DIP2B: variants seen among roughly 807,000 people sequenced by gnomAD.
DIP2B encodes disco-interacting protein 2 homolog B.
DIP2B carries 76 observed loss-of-function variants against 198.0 expected under a neutral mutation model. That is an observed-to-expected ratio of 0.38 (90% CI 0.32 to 0.46). The LOEUF is 0.46. DIP2B is among the 20% of genes least tolerant of loss of function. The pLI is 0.99. For synonymous variants in DIP2B, 701 were observed against 739.1 expected, an observed-to-expected ratio of 0.95 and a Z score of 0.84; for missense variants, 1,559 against 1,978.4, an observed-to-expected ratio of 0.79 and a Z score of 4.02.
Position 50,682,960 on chromosome 12 carries a change from G to A in DIP2B, c.1207-178G>A, listed in dbSNP as rs1011277837. On this transcript the variant is annotated intron_variant, in intron 9 of 37. Transcript: ENST00000301180. The stretch of plus-strand genomic sequence containing the variant: ...TGTGTAGTATAATCGTGGGCATGTC[G>A]GAGATCTTTTTAGATGTGTGTCTCT... Among the ~76,000 whole-genome samples, 7 of 152,114 alleles carry A rather than the reference G, an allele frequency of 4.6e-5. No individual in the cohort carries two copies. In the East Asian group the frequency reaches 5.8e-4, roughly 13 times the overall value.
Position 50,744,535 on chromosome 12 carries a change from AG to A in DIP2B, c.4479-51del, listed in dbSNP as rs1282824620. ...CTAAGTCTGGGACAGATGCTATAAA[AG>A]ATAACTGAAAAATGTAGTGACAAGT... On this transcript the variant is annotated intron_variant, in intron 37 of 37. Coordinates refer to ENST00000301180, the MANE Select transcript of DIP2B (RefSeq NM_173602.3). The A allele has an allele frequency of 4.4e-6, 7 of 1,603,928 alleles. No individual in the cohort carries two copies. In the Middle Eastern group the frequency reaches 5.0e-4, roughly 114 times the overall value.
intron 26 of DIP2B, among the ~76,000 whole-genome samples, chr12:50,722,231 ATTTT>A (rs61452037): frequency 0.063 from 9,456 of 149,068 alleles, 659 homozygotes; most frequent in East Asian, 0.32. Flanking sequence ...TTGTTCTGTG[ATTTT>A]TTTTTGTTTG....
chr12:50,621,323 G>A (rs921129149), intron 1 of DIP2B, among the ~76,000 whole-genome samples: 1 of 152,230 alleles, frequency 6.6e-6, no homozygotes, highest in African/African-American at 2.4e-5. Context: ...GGCAGTCCAA[G>A]CATTGCTTTT....
intron 1 of DIP2B, among the ~76,000 whole-genome samples, chr12:50,620,528 C>T (rs1260298549): frequency 1.3e-5 from 2 of 152,158 alleles, no homozygotes; most frequent in East Asian, 1.9e-4. Context: ...TCAGTGTCTT[C>T]ATACAAGGCT....
intron 1 of DIP2B, among the ~76,000 whole-genome samples, chr12:50,510,947 C>CTTTTT (rs56793612): frequency 7.6e-6 from 1 of 131,112 alleles, no homozygotes. Context: ...GCCTGGCTTT[C>CTTTTT]TTTTTTTTTT....
intron 1 of DIP2B, among the ~76,000 whole-genome samples, chr12:50,515,388 C>T (rs200165729): frequency 6.6e-6 from 1 of 152,204 alleles, no homozygotes; most frequent in East Asian, 1.9e-4. Flanking sequence ...CCTGCCACCA[C>T]GCCCAGCTAA....
intron 12 of DIP2B, among the ~76,000 whole-genome samples, chr12:50,690,180 A>G (rs1021480431): frequency 3.3e-5 from 5 of 149,350 alleles, no homozygotes; most frequent in Non-Finnish European, 5.9e-5. Context: ...TCTGCCTCCC[A>G]GGTTCACGCC....
intron 12 of DIP2B, among the ~76,000 whole-genome samples, chr12:50,687,413 A>G (rs917501874): frequency 3.0e-4 from 45 of 152,330 alleles, no homozygotes; most frequent in African/African-American, 1.0e-3. Flanking sequence ...CCTGCCTGAG[A>G]CATATGCTCA....
At chr12:50,520,283 G>A (rs944530374) in intron 1 of DIP2B, among the ~76,000 whole-genome samples, 4 of 152,106 alleles carry the variant, frequency 2.6e-5, no homozygotes, top group East Asian at 1.9e-4. Context: ...TGATCTGCCC[G>A]CCTCGGCCTT....
At chr12:50,731,649 G>T in intron 31 of DIP2B, 112 bp downstream of exon 31, 1 of 1,299,688 alleles carries the variant, frequency 7.7e-7, no homozygotes, top group Non-Finnish European at 1.0e-6. Context: ...CCTTTTTCAA[G>T]TCACTCAGTT....
At chr12:50,567,673 G>A (rs1220199808) in intron 1 of DIP2B, among the ~76,000 whole-genome samples, 2 of 151,974 alleles carry the variant, frequency 1.3e-5, no homozygotes, top group Non-Finnish European at 2.9e-5. Flanking sequence ...GATTACAGGC[G>A]CCCGCCACCA....
intron 12 of DIP2B, among the ~76,000 whole-genome samples, chr12:50,687,885 C>T (rs1939157986): frequency 6.9e-6 from 1 of 145,138 alleles, no homozygotes; most frequent in Admixed American, 7.0e-5. Flanking sequence ...TGTCCCAGAA[C>T]TTAAAAGTAA....
intron 4 of DIP2B, among the ~76,000 whole-genome samples, chr12:50,670,528 G>C (rs890729926): frequency 6.6e-6 from 1 of 152,040 alleles, no homozygotes; most frequent in Non-Finnish European, 1.5e-5. Context: ...CGATTCTCCT[G>C]CTTCAGCCTC....
intron 1 of DIP2B, among the ~76,000 whole-genome samples, chr12:50,603,178 A>C (rs1012520377): frequency 2.2e-4 from 33 of 150,750 alleles, no homozygotes; most frequent in African/African-American, 7.5e-4. Context: ...AAAAAAAAAT[A>C]ATAATATTTA....
chr12:50,506,005 A>G (rs1273365171), intron 1 of DIP2B, among the ~76,000 whole-genome samples: 3 of 151,802 alleles, frequency 2.0e-5, no homozygotes, highest in African/African-American at 4.8e-5. Flanking sequence ...ATGGATTGGG[A>G]CAGGGAGGGT....
chr12:50,624,920 C>T (rs1247452700), intron 1 of DIP2B, among the ~76,000 whole-genome samples: 1 of 152,270 alleles, frequency 6.6e-6, no homozygotes, highest in Middle Eastern at 3.4e-3. Flanking sequence ...GAGGCTGAGG[C>T]CAACAGCACC....
intron 1 of DIP2B, among the ~76,000 whole-genome samples, chr12:50,593,233 G>A (rs1402986214): frequency 1.3e-5 from 2 of 152,214 alleles, no homozygotes; most frequent in African/African-American, 4.8e-5. Context: ...TTGGCTGGGT[G>A]CAGTGGCTCA....
At chr12:50,625,614 G>A (rs1248658358) in intron 1 of DIP2B, among the ~76,000 whole-genome samples, 1 of 152,150 alleles carries the variant, frequency 6.6e-6, no homozygotes, top group African/African-American at 2.4e-5. Flanking sequence ...GTACTCATTT[G>A]GTAAATTGAA....
At chr12:50,567,329 G>A (rs1406909665) in intron 1 of DIP2B, among the ~76,000 whole-genome samples, 2 of 152,086 alleles carry the variant, frequency 1.3e-5, no homozygotes, top group Non-Finnish European at 1.5e-5. Flanking sequence ...ATTTTTCCAT[G>A]TATACCTGCA....
Sources: gnomAD v4.1 joint callset for allele counts (sites outside exome capture counted in the v4.1 genomes callset) on GRCh38, gnomAD v4.1.1 for gene constraint, MANE v1.5 for transcripts, NCBI Gene and HGNC (gene_info 2026-07-23, HGNC 2026-07-21) for gene names.